Variants in MICU3 observed in about 807,000 individuals in gnomAD.
The protein encoded by MICU3 is mitochondrial calcium uptake 3.
MICU3 carries 62 observed loss-of-function variants against 66.5 expected under a neutral mutation model. That is an observed-to-expected ratio of 0.93 (90% CI 0.76 to 1.15). The LOEUF is 1.15. MICU3 is among the 50% of genes most tolerant of loss of function. The probability of loss-of-function intolerance (pLI) is 0.00; values close to 1 mark genes in which losing one functional copy is unlikely to be tolerated. For missense variants in MICU3, 779 were observed against 664.4 expected, an observed-to-expected ratio of 1.17 and a Z score of -1.90; for synonymous variants, 308 against 240.7, an observed-to-expected ratio of 1.28 and a Z score of -2.59.
rs375892746 is a variant in MICU3 at position 17,064,342 on chromosome 8, G to A, written c.535+105G>A. On this transcript the variant is annotated intron_variant, in intron 2 of 14. Coordinates refer to ENST00000318063, the MANE Select transcript of MICU3 (RefSeq NM_181723.3). ...TTTTTTAGAAGAACTGAGTAATGTGGTATTTCACATGATATTGTGCTATTC... is the reference window on the plus strand; with the variant it reads ...TTTTTTAGAAGAACTGAGTAATGTGATATTTCACATGATATTGTGCTATTC... 10 of 774,814 alleles carry A rather than the reference G, an allele frequency of 1.3e-5. No homozygotes were observed. The African/African-American group carries it at 1.6e-4, about 12-fold the overall frequency. 48.0% of individuals were successfully genotyped at this position (774,814 alleles called of 1,614,324 possible).
intron 1 of MICU3, among the ~76,000 whole-genome samples, chr8:17,042,918 G>GCAATT (rs1472661513): frequency 1.4e-5 from 2 of 142,810 alleles, no homozygotes; most frequent in South Asian, 2.3e-4. Context: ...ACTGCTTGTA[G>GCAATT]CAATTCAAAG....
chr8:17,083,611 A>C (rs1821513769), intron 5 of MICU3, among the ~76,000 whole-genome samples: 1 of 152,148 alleles, frequency 6.6e-6, no homozygotes, highest in Non-Finnish European at 1.5e-5. Flanking sequence ...TGTCTCCATT[A>C]TAATTTTGCA....
At chr8:17,063,637 C>A (rs1818212147) in intron 1 of MICU3, among the ~76,000 whole-genome samples, 1 of 150,572 alleles carries the variant, frequency 6.6e-6, no homozygotes, top group Admixed American at 6.6e-5. Context: ...TTATAAGTAG[C>A]CTATTGGGAT....
chr8:17,138,110 C>A, the MICU3 span, among the ~76,000 whole-genome samples: 2 of 151,966 alleles, frequency 1.3e-5, no homozygotes, highest in South Asian at 4.2e-4. Flanking sequence ...GCTCATGATA[C>A]CAAAGATGTC....
intron 11 of MICU3, among the ~76,000 whole-genome samples, chr8:17,110,762 T>C (rs1182396921): frequency 6.6e-6 from 1 of 151,480 alleles, no homozygotes; most frequent in Admixed American, 6.6e-5. Flanking sequence ...GAGACAGGGT[T>C]TTTTTTTGTT....
rs771044367 is a variant in MICU3 at position 17,105,455 on chromosome 8, C to G, written c.1128C>G (p.Phe376Leu). The G allele has an allele frequency of 1.4e-5, 22 of 1,570,512 alleles. No homozygotes were observed. The highest frequency in any genetic ancestry group is 3.8e-5 in the Admixed American group (2 of 53,050). ...NLQTEVLEIEFLSYSNGMNTI... is the reference protein window; with the variant it reads ...NLQTEVLEIELLSYSNGMNTI... ...AAACAGAAGTTCTAGAAATAGAATT[C>G]CTTTCCTACTCAAATGGAATGAATA... Residue 376 changes from phenylalanine to leucine, a missense_variant, in exon 11 of 15, where the codon TTC becomes TTG. By Grantham distance (22) the Phe-to-Leu change is conservative. Transcript: ENST00000318063.
chr8:17,115,241 T>G (rs1053611156), intron 12 of MICU3, among the ~76,000 whole-genome samples: 30 of 152,206 alleles, frequency 2.0e-4, no homozygotes, highest in Non-Finnish European at 1.5e-5. Flanking sequence ...GATTTCATCA[T>G]GTGGCCTTAT....
chr8:17,092,570 A>G (rs935338473), intron 8 of MICU3, among the ~76,000 whole-genome samples: 24 of 152,096 alleles, frequency 1.6e-4, no homozygotes, highest in Middle Eastern at 6.8e-3. Context: ...ACTTGATGTC[A>G]TTTTTACATA....
chr8:17,113,657 A>C (rs552117277), intron 11 of MICU3, among the ~76,000 whole-genome samples: 1 of 152,336 alleles, frequency 6.6e-6, no homozygotes, highest in East Asian at 1.9e-4. Context: ...TTCATGATCT[A>C]ATGATGCTGA....
chr8:17,135,154 A>T, the MICU3 span, among the ~76,000 whole-genome samples: 1 of 152,314 alleles, frequency 6.6e-6, no homozygotes, highest in African/African-American at 2.4e-5. Flanking sequence ...TAATCCCAGC[A>T]CTTTGAAAGG....
In MICU3 at chr8:17,071,610, G is replaced by T. The variant is rs557175997; in HGVS notation, c.567+1891G>T. Among the ~76,000 whole-genome samples the T allele has an allele frequency of 2.6e-5, 4 of 152,240 alleles. No individual in the cohort carries two copies. In the South Asian group the frequency reaches 8.3e-4, roughly 32 times the overall value. Reference sequence around the variant, plus strand: ...ACCATAATATGTAGTATGAAAAAAAGAAGAGGCTCTAAGGATTAGAATAGA... The same window carrying T: ...ACCATAATATGTAGTATGAAAAAAATAAGAGGCTCTAAGGATTAGAATAGA... On this transcript the variant is annotated intron_variant, in intron 3 of 14. Transcript: ENST00000318063.
At chr8:17,086,905 T>G in intron 6 of MICU3, 59 bp from the exon 7 acceptor site, 1 of 1,120,984 alleles carries the variant, frequency 8.9e-7, no homozygotes, top group Non-Finnish European at 1.3e-6. Context: ...TCCAGAATAG[T>G]AGATAGGTGC....
chr8:17,060,627 C>G (rs1479596651), intron 1 of MICU3, among the ~76,000 whole-genome samples: 1 of 152,010 alleles, frequency 6.6e-6, no homozygotes, highest in Non-Finnish European at 1.5e-5. Flanking sequence ...TTACATTTAA[C>G]CAGTCCATTT....
intron 1 of MICU3, among the ~76,000 whole-genome samples, chr8:17,029,296 C>T (rs1039854173): frequency 2.6e-5 from 4 of 152,066 alleles, no homozygotes; most frequent in Non-Finnish European, 5.9e-5. Flanking sequence ...GCCAACATGG[C>T]GAAACCTCGT....
intron 9 of MICU3, among the ~76,000 whole-genome samples, chr8:17,102,291 T>C (rs551831395): frequency 6.6e-6 from 1 of 151,992 alleles, no homozygotes; most frequent in Non-Finnish European, 1.5e-5. Flanking sequence ...CTCCTACTAC[T>C]AATTTAAGCG....
At chr8:17,138,542 T>C in the MICU3 span, among the ~76,000 whole-genome samples, 1 of 152,136 alleles carries the variant, frequency 6.6e-6, no homozygotes, top group African/African-American at 2.4e-5. Context: ...ATTTACCCAA[T>C]GCTGGAAAGA....
At chr8:17,068,608 C>T (rs1585321056) in intron 2 of MICU3, among the ~76,000 whole-genome samples, 1 of 152,154 alleles carries the variant, frequency 6.6e-6, no homozygotes, top group Admixed American at 6.6e-5. Flanking sequence ...CACTTGATTA[C>T]ACATTTGTAT....
At position 17,064,233 on chromosome 8, in the gene MICU3, C is replaced by T. The variant is rs978456830; in HGVS notation, c.531C>T (p.Pro177=). 5.0e-6 allele frequency: 8 copies of T among 1,608,246 alleles called. No homozygotes were observed. The African/African-American group carries it at 9.4e-5, about 19-fold the overall frequency. The change falls in exon 2 of 15, where the codon CCC becomes CCT. Residue 177 remains proline (P), a synonymous_variant. Coordinates refer to ENST00000318063, the MANE Select transcript of MICU3 (RefSeq NM_181723.3). ...TTTTGGCTGTTACAACAGATGAGCCCAAAGGTAAGTACACTTTTGAAATTA... is the reference window on the plus strand; with the variant it reads ...TTTTGGCTGTTACAACAGATGAGCCTAAAGGTAAGTACACTTTTGAAATTA... ...DFILAVTTDE[P]KVAKTWKSLS...
chr8:17,104,994 CAAAAAAAAAA>C (rs746149322), intron 10 of MICU3, among the ~76,000 whole-genome samples: 2 of 8,718 alleles, frequency 2.3e-4, no homozygotes, highest in Admixed American at 1.3e-3. Flanking sequence ...GACTCCGTCT[CAAAAAAAAAA>C]AAAAAAAAAA....
Sources: allele counts gnomAD v4.1 joint callset (sites outside exome capture counted in the v4.1 genomes callset), GRCh38; gene constraint gnomAD v4.1.1; transcripts MANE v1.5; gene names NCBI Gene and HGNC (gene_info 2026-07-23, HGNC 2026-07-21).